CHODL: variants seen among roughly 807,000 people sequenced by gnomAD.
CHODL encodes the protein chondrolectin.
CHODL carries 29 observed loss-of-function variants against 34.5 expected under a neutral mutation model. The ratio of observed to expected loss-of-function variants is 0.84; its 90% confidence interval spans 0.63 to 1.15. CHODL has a LOEUF of 1.15. Among genes scored for constraint, CHODL ranks in the 50% most tolerant of loss-of-function variants. The pLI is 0.00. For missense variants in CHODL, 332 were observed against 332.5 expected (o/e 1.00, Z 0.01); for synonymous variants, 125 against 116.1 (o/e 1.08, Z -0.49).
At chr21:17,920,775 C>G (rs1373874535) in intron 1 of CHODL, among the ~76,000 whole-genome samples, 1 of 152,164 alleles carries the variant, frequency 6.6e-6, no homozygotes, top group East Asian at 1.9e-4. Flanking sequence ...TGACTGTATA[C>G]TGCTAGTGAG....
intron 1 of CHODL, among the ~76,000 whole-genome samples, chr21:17,967,529 A>G (rs2063581853): frequency 6.6e-6 from 1 of 152,134 alleles, no homozygotes. Context: ...ATTTACCTCA[A>G]GCTCTATGAT....
At chr21:18,251,534 A>AAAATAAATAT (rs1568957552) in intron 1 of CHODL, among the ~76,000 whole-genome samples, 1 of 914 alleles carries the variant, frequency 1.1e-3, no homozygotes, top group African/African-American at 2.4e-3. Context: ...TATTTTATTT[A>AAAATAAATAT]TTATTTTAAT....
chr21:18,158,925 T>C (rs946847738), intron 2 of CHODL, among the ~76,000 whole-genome samples: 1 of 152,086 alleles, frequency 6.6e-6, no homozygotes, highest in African/African-American at 2.4e-5. Context: ...ATTGTGCATG[T>C]AGGCAAATAA....
chr21:18,093,866 G>T (rs891955092), intron 2 of CHODL, among the ~76,000 whole-genome samples: 2 of 152,060 alleles, frequency 1.3e-5, no homozygotes, highest in African/African-American at 4.8e-5. Flanking sequence ...CAAATGGCAG[G>T]AGTAATTCCC....
chr21:18,041,242 C>T (rs1025858957), intron 2 of CHODL, among the ~76,000 whole-genome samples: 5 of 151,792 alleles, frequency 3.3e-5, no homozygotes, highest in Non-Finnish European at 7.4e-5. Flanking sequence ...AAAGGATGGC[C>T]TATGGAGAAA....
chr21:18,182,673 T>C (rs778245894), intron 2 of CHODL, among the ~76,000 whole-genome samples: 39 of 152,256 alleles, frequency 2.6e-4, no homozygotes, highest in Non-Finnish European at 2.2e-4. Flanking sequence ...TTTTAATAAA[T>C]CCCATATCTC....
intron 2 of CHODL, among the ~76,000 whole-genome samples, chr21:18,189,346 A>T (rs2073483281): frequency 1.3e-5 from 2 of 152,310 alleles, no homozygotes; most frequent in Middle Eastern, 3.4e-3. Context: ...AGATTTAAAA[A>T]ATCATTTTTT....
intron 2 of CHODL, among the ~76,000 whole-genome samples, chr21:18,071,732 A>G (rs2064807992): frequency 6.6e-6 from 1 of 152,092 alleles, no homozygotes; most frequent in Non-Finnish European, 1.5e-5. Flanking sequence ...TTTCTATTAC[A>G]TTTCTATTTC....
upstream of CHODL, among the ~76,000 whole-genome samples, chr21:18,242,338 C>T (rs192027281): frequency 3.9e-5 from 6 of 152,116 alleles, no homozygotes; most frequent in East Asian, 1.2e-3. Context: ...TGTTGCTTTC[C>T]CCCAACTCCC....
intron 2 of CHODL, among the ~76,000 whole-genome samples, chr21:18,037,598 G>T (rs1384927030): frequency 1.3e-5 from 2 of 151,782 alleles, no homozygotes; most frequent in Non-Finnish European, 2.9e-5. Flanking sequence ...TAAGTGTGTA[G>T]TGAAGGGTAG....
chr21:18,117,513 T>C (rs1486468799), intron 2 of CHODL, among the ~76,000 whole-genome samples: 4 of 152,182 alleles, frequency 2.6e-5, no homozygotes, highest in Non-Finnish European at 5.9e-5. Context: ...CTGTGTCTGC[T>C]TCAATTCTGT....
At chr21:17,927,112 ATATG>A (rs2063232064) in intron 1 of CHODL, among the ~76,000 whole-genome samples, 1 of 132,584 alleles carries the variant, frequency 7.5e-6, no homozygotes, top group Admixed American at 7.3e-5. Flanking sequence ...GTGTATGTAT[ATATG>A]TATATATGTA....
intron 2 of CHODL, among the ~76,000 whole-genome samples, chr21:18,055,920 ATCTC>A (rs1016591821): frequency 6.6e-6 from 1 of 152,024 alleles, no homozygotes; most frequent in Non-Finnish European, 1.5e-5. Context: ...ACATGATGAT[ATCTC>A]TCTCTTTCTG....
chr21:17,976,184 T>C (rs1043754485), intron 1 of CHODL, among the ~76,000 whole-genome samples: 2 of 143,106 alleles, frequency 1.4e-5, no homozygotes, highest in African/African-American at 5.1e-5. Context: ...GGCAGGAGGA[T>C]TGCTTGAGCC....
intron 2 of CHODL, among the ~76,000 whole-genome samples, chr21:18,085,097 A>G (rs2064990088): frequency 6.6e-6 from 1 of 152,016 alleles, no homozygotes; most frequent in Admixed American, 6.6e-5. Context: ...ATTTAAATAT[A>G]GGTAGTCCTG....
intron 2 of CHODL, among the ~76,000 whole-genome samples, chr21:18,085,911 G>A (rs1022315725): frequency 1.3e-5 from 2 of 151,912 alleles, no homozygotes; most frequent in African/African-American, 2.4e-5. Flanking sequence ...TGCAAGACAT[G>A]GGAAGTTTTC....
At chr21:18,006,169 G>GT (rs1461369876) in intron 1 of CHODL, among the ~76,000 whole-genome samples, 1 of 151,982 alleles carries the variant, frequency 6.6e-6, no homozygotes, top group Non-Finnish European at 1.5e-5. Context: ...ACGTTGAACT[G>GT]TGAGTTCTCC....
At chr21:17,993,527 T>C (rs928396671) in intron 1 of CHODL, among the ~76,000 whole-genome samples, 2 of 152,240 alleles carry the variant, frequency 1.3e-5, no homozygotes, top group Non-Finnish European at 2.9e-5. Context: ...TGCCATCATG[T>C]TCCTGCAAAG....
chr21:17,972,550 A>G (rs554457746), intron 1 of CHODL, among the ~76,000 whole-genome samples: 68 of 152,210 alleles, frequency 4.5e-4, no homozygotes, highest in Non-Finnish European at 7.3e-4. Flanking sequence ...CAATTGCTAC[A>G]AAGAGGATAA....
Sources: gnomAD v4.1 joint callset for allele counts (sites outside exome capture counted in the v4.1 genomes callset) on GRCh38, gnomAD v4.1.1 for gene constraint, MANE v1.5 for transcripts, NCBI Gene and HGNC (gene_info 2026-07-23, HGNC 2026-07-21) for gene names.